Variants in STXBP5L observed in about 807,000 individuals in gnomAD.
STXBP5L encodes syntaxin binding protein 5L.
A neutral mutation model predicts 144.5 loss-of-function variants in STXBP5L; 65 were observed. The observed-to-expected ratio is 0.45, with a 90% CI of 0.37 to 0.55. The LOEUF is 0.55. STXBP5L is among the 20% of genes least tolerant of loss of function. The pLI, the probability that STXBP5L is intolerant of heterozygous loss-of-function variation, is 0.00. For missense variants in STXBP5L, 1,298 were observed against 1,405.5 expected, an observed-to-expected ratio of 0.92 and a Z score of 1.22; for synonymous variants, 505 against 469.6, an observed-to-expected ratio of 1.08 and a Z score of -0.97.
intron 20 of STXBP5L, among the ~76,000 whole-genome samples, chr3:121,355,735 G>A (rs111375206): frequency 2.0e-5 from 3 of 152,226 alleles, no homozygotes; most frequent in African/African-American, 4.8e-5. Flanking sequence ...TGTTACTGGC[G>A]AGGAGCTGCA....
chr3:120,967,789 A>G (rs1380027391), intron 3 of STXBP5L, among the ~76,000 whole-genome samples: 2 of 152,050 alleles, frequency 1.3e-5, no homozygotes, highest in African/African-American at 4.8e-5. Flanking sequence ...CATAGGTTTT[A>G]GTATGTTGTG....
At chr3:121,306,857 A>G (rs924684832) in intron 19 of STXBP5L, among the ~76,000 whole-genome samples, 2 of 152,154 alleles carry the variant, frequency 1.3e-5, no homozygotes, top group Non-Finnish European at 2.9e-5. Context: ...GTCCCAGGGT[A>G]CTGTCAAAAA....
chr3:120,952,781 A>T (rs1169022627), intron 2 of STXBP5L, among the ~76,000 whole-genome samples: 3 of 152,056 alleles, frequency 2.0e-5, no homozygotes, highest in Admixed American at 2.0e-4. Flanking sequence ...TGGTCAATGA[A>T]TAAGGGTGTG....
intron 3 of STXBP5L, among the ~76,000 whole-genome samples, chr3:120,998,570 C>G (rs1943534394): frequency 6.6e-6 from 1 of 152,090 alleles, no homozygotes; most frequent in Non-Finnish European, 1.5e-5. Flanking sequence ...GTGTGATATT[C>G]CCCTGCCTGT....
At chr3:120,974,724 G>T (rs1043205539) in intron 3 of STXBP5L, among the ~76,000 whole-genome samples, 1 of 152,112 alleles carries the variant, frequency 6.6e-6, no homozygotes, top group East Asian at 1.9e-4. Flanking sequence ...TTTGTATAAG[G>T]TGTAAGGAAG....
rs774777864 is a variant in STXBP5L, at chr3:121,152,572, C to G, written c.753+12C>G. 24 of 1,569,844 alleles carry G rather than the reference C, an allele frequency of 1.5e-5. No homozygotes were observed. Among genetic ancestry groups the G allele is most frequent in the Non-Finnish European group, 2.1e-5 (24 of 1,148,858 alleles). Reference sequence around the variant, plus strand: ...TTTATTATGATGAGGTAAGTGATTTCTACCGACATGTTTGAAAGAGTATTG... The same window carrying G: ...TTTATTATGATGAGGTAAGTGATTTGTACCGACATGTTTGAAAGAGTATTG... On this transcript the variant is annotated intron_variant, in intron 8 of 26. Transcript: ENST00000471454.
intron 10 of STXBP5L, among the ~76,000 whole-genome samples, chr3:121,214,256 AAT>A (rs1284477096): frequency 6.6e-6 from 1 of 151,754 alleles, no homozygotes; most frequent in Non-Finnish European, 1.5e-5. Flanking sequence ...CTAGCTTTTG[AAT>A]ATGTTTGCTC....
At chr3:121,374,026 C>A (rs1037636804) in intron 20 of STXBP5L, among the ~76,000 whole-genome samples, 1 of 152,178 alleles carries the variant, frequency 6.6e-6, no homozygotes, top group Non-Finnish European at 1.5e-5. Context: ...CCTGCATGTG[C>A]CCCCCAGGGA....
intron 9 of STXBP5L, among the ~76,000 whole-genome samples, chr3:121,188,800 A>C (rs1156460304): frequency 6.6e-6 from 1 of 152,196 alleles, no homozygotes. Context: ...GTATTGATGG[A>C]ACATATCTCC....
At chr3:121,172,197 A>G (rs145628689) in intron 9 of STXBP5L, among the ~76,000 whole-genome samples, 1 of 152,328 alleles carries the variant, frequency 6.6e-6, no homozygotes, top group Non-Finnish European at 1.5e-5. Context: ...AAGATGGATT[A>G]AAGACTTAAA....
chr3:121,077,153 A>C (rs2042052451), intron 5 of STXBP5L, among the ~76,000 whole-genome samples: 1 of 152,098 alleles, frequency 6.6e-6, no homozygotes, highest in Non-Finnish European at 1.5e-5. Flanking sequence ...CACGAGCCCC[A>C]CCTGCATCTG....
chr3:121,318,415 T>C, intron 19 of STXBP5L, 60 bp from the exon 20 acceptor site: 3 of 1,347,534 alleles, frequency 2.2e-6, no homozygotes, highest in Non-Finnish European at 2.0e-6. Flanking sequence ...AATTAAGAAA[T>C]AAGAATAACC....
chr3:121,312,882 C>T (rs949345971), intron 19 of STXBP5L, among the ~76,000 whole-genome samples: 3 of 152,204 alleles, frequency 2.0e-5, no homozygotes, highest in Non-Finnish European at 4.4e-5. Context: ...ACCCGGTAAA[C>T]ATCCGATTTC....
chr3:121,359,305 G>T (rs2045628960), intron 20 of STXBP5L, among the ~76,000 whole-genome samples: 1 of 152,034 alleles, frequency 6.6e-6, no homozygotes, highest in South Asian at 2.1e-4. Flanking sequence ...CAGATTATTA[G>T]ATTTTTTTCA....
intron 3 of STXBP5L, among the ~76,000 whole-genome samples, chr3:121,024,469 A>G (rs1346538403): frequency 6.6e-6 from 1 of 152,102 alleles, no homozygotes; most frequent in Non-Finnish European, 1.5e-5. Flanking sequence ...TGGTGTTTGA[A>G]ATTCAAATAC....
At chr3:121,310,271 T>A (rs1379981837) in intron 19 of STXBP5L, among the ~76,000 whole-genome samples, 1 of 152,232 alleles carries the variant, frequency 6.6e-6, no homozygotes, top group Non-Finnish European at 1.5e-5. Flanking sequence ...TAATAAATTT[T>A]TCTTCAAGTA....
chr3:121,249,309 A>G (rs1181780300), intron 14 of STXBP5L, among the ~76,000 whole-genome samples: 1 of 152,142 alleles, frequency 6.6e-6, no homozygotes, highest in African/African-American at 2.4e-5. Flanking sequence ...TATGCCATTT[A>G]GGGGAACAAA....
intron 20 of STXBP5L, among the ~76,000 whole-genome samples, chr3:121,368,334 G>T (rs1272219302): frequency 6.6e-6 from 1 of 151,678 alleles, no homozygotes; most frequent in Non-Finnish European, 1.5e-5. Flanking sequence ...TTCTTTTTAG[G>T]TTTTCTATCT....
At chr3:120,927,796 G>T (rs907035216) in intron 2 of STXBP5L, among the ~76,000 whole-genome samples, 1 of 152,122 alleles carries the variant, frequency 6.6e-6, no homozygotes, top group Non-Finnish European at 1.5e-5. Flanking sequence ...TATGGGCAGT[G>T]AAACAACTTT....
Sources: gnomAD v4.1 joint callset for allele counts (sites outside exome capture counted in the v4.1 genomes callset) on GRCh38, gnomAD v4.1.1 for gene constraint, MANE v1.5 for transcripts, NCBI Gene and HGNC (gene_info 2026-07-23, HGNC 2026-07-21) for gene names.